The following KIAA1217 variants were observed in gnomAD, a reference collection of about 807,000 sequenced individuals.
KIAA1217 encodes sickle tail protein homolog.
KIAA1217 carries 88 observed loss-of-function variants against 163.9 expected under a neutral mutation model. The ratio of observed to expected loss-of-function variants is 0.54; its 90% CI spans 0.45 to 0.64. KIAA1217 has a LOEUF of 0.64. Among genes scored for constraint, KIAA1217 ranks in the 30% least tolerant of loss-of-function variants. The pLI, the probability that KIAA1217 is intolerant of heterozygous loss-of-function variation, is 0.00. For synonymous variants in KIAA1217, 903 were observed against 923.1 expected (o/e 0.98, Z 0.39); for missense variants, 2,372 against 2,475.0 (o/e 0.96, Z 0.88).
intron 6 of KIAA1217, among the ~76,000 whole-genome samples, chr10:24,484,097 C>G (rs935105303): frequency 1.3e-5 from 2 of 150,328 alleles, no homozygotes; most frequent in Non-Finnish European, 3.0e-5. Context: ...CTCAAGAGTT[C>G]TGTGCAATTT....
chr10:23,849,638 C>T (rs34637483), intron 1 of KIAA1217, among the ~76,000 whole-genome samples: 21,957 of 152,022 alleles, frequency 0.14, 1,996 homozygotes, highest in Middle Eastern at 0.21. Flanking sequence ...CAAACCTGCA[C>T]GTTGTGCACA....
chr10:24,388,908 T>A (rs7912942), intron 3 of KIAA1217, among the ~76,000 whole-genome samples: 12 of 131,796 alleles, frequency 9.1e-5, no homozygotes, highest in African/African-American at 4.0e-4. Flanking sequence ...GGAAACGACA[T>A]GTGCTGGAGA....
At chr10:23,937,680 G>C (rs564601540) in intron 1 of KIAA1217, among the ~76,000 whole-genome samples, 17 of 152,232 alleles carry the variant, frequency 1.1e-4, no homozygotes, top group African/African-American at 3.6e-4. Context: ...ACTTAATTTG[G>C]CATCATCATA....
rs74955438 is a variant in KIAA1217 at position 23,991,711 on chromosome 10, G to A, written c.-320-15514G>A. 7.8e-3 allele frequency among the ~76,000 whole-genome samples: 1,193 copies of A among 152,162 alleles called. 13 individuals carry two copies. Among genetic ancestry groups the A allele is most frequent in the African/African-American group, 0.027 (1,124 of 41,502 alleles). ...TATATCAGTATATCACAACCATGAC[G>A]TACGATATAATTACATGAAGCAGAC... On this transcript the variant is annotated intron_variant, in intron 1 of 18. Transcript: ENST00000376462.
chr10:24,395,534 C>A (rs1179261829), intron 3 of KIAA1217, among the ~76,000 whole-genome samples: 1 of 152,320 alleles, frequency 6.6e-6, no homozygotes, highest in East Asian at 1.9e-4. Context: ...AAGGCCAGTG[C>A]ACCTGAGAAT....
Position 23,825,273 on chromosome 10 carries a change from G to A in KIAA1217, c.-321+130039G>A, listed in dbSNP as rs116160625. ...AGTGTAATCCTATGCTTTTTGGTGG[G>A]AGAAAAATGAACGCTCATTATCTCT... is the stretch of plus-strand genomic sequence containing the variant. On this transcript the variant is annotated intron_variant, in intron 1 of 18. Transcript: ENST00000376462. Among the ~76,000 whole-genome samples the A allele has an allele frequency of 8.2e-3, 1,249 of 152,242 alleles. 11 individuals are homozygous for A. The highest frequency in any genetic ancestry group is 0.028 in the African/African-American group (1,166 of 41,544).
chr10:24,345,876 A>T (rs1001234710), intron 2 of KIAA1217, among the ~76,000 whole-genome samples: 2 of 152,176 alleles, frequency 1.3e-5, no homozygotes, highest in Non-Finnish European at 2.9e-5. Flanking sequence ...CCGTGGTGTT[A>T]AGTATATTCA....
chr10:23,963,328 A>G lies in KIAA1217; in HGVS notation c.-320-43897A>G, dbSNP rs571986613. On this transcript the variant is annotated intron_variant, in intron 1 of 18. Transcript: ENST00000376462. ...CCTCTCCCTGTGTCCATGAGTTATC[A>G]TTGTTCAACTCCCACTTATGAGTGA... is the stretch of plus-strand genomic sequence containing the variant. Among the ~76,000 whole-genome samples, 11 of 152,160 alleles carry G rather than the reference A, an allele frequency of 7.2e-5. No homozygotes were observed. In the East Asian group the frequency reaches 1.9e-3, roughly 27 times the overall value.
chr10:24,048,346 C>T (rs182166437), intron 2 of KIAA1217, among the ~76,000 whole-genome samples: 20 of 152,286 alleles, frequency 1.3e-4, no homozygotes, highest in East Asian at 3.9e-4. Context: ...CAACTTTTCT[C>T]CAATTAAATA....
Position 24,400,198 on chromosome 10 carries a change from G to A in KIAA1217, c.553+19131G>A, listed in dbSNP as rs547649382. Among the ~76,000 whole-genome samples, 3 of 152,302 alleles carry A rather than the reference G, an allele frequency of 2.0e-5. No individual in the cohort carries two copies. In the South Asian group the frequency reaches 6.2e-4, roughly 32 times the overall value. The stretch of plus-strand genomic sequence containing the variant: ...TGGGGCAGAAAAAAAAATTATCTGG[G>A]AGAAACAAAAGCCCTAGACAGGAAC... On this transcript the variant is annotated intron_variant, in intron 3 of 20. Coordinates refer to ENST00000376454, the MANE Select transcript of KIAA1217 (RefSeq NM_019590.5).
chr10:23,925,631 T>C (rs531934553), intron 1 of KIAA1217, among the ~76,000 whole-genome samples: 1 of 152,368 alleles, frequency 6.6e-6, no homozygotes, highest in Non-Finnish European at 1.5e-5. Context: ...CAGTTTTCCC[T>C]GAGCCTTTAA....
intron 2 of KIAA1217, among the ~76,000 whole-genome samples, chr10:24,319,885 A>G (rs2043914316): frequency 6.6e-6 from 1 of 152,252 alleles, no homozygotes; most frequent in African/African-American, 2.4e-5. Flanking sequence ...ACCTGCAAGG[A>G]AGTTCATATA....
At chr10:24,200,003 T>C (rs1249223566) in intron 2 of KIAA1217, among the ~76,000 whole-genome samples, 1 of 151,974 alleles carries the variant, frequency 6.6e-6, no homozygotes, top group Non-Finnish European at 1.5e-5. Flanking sequence ...GGCATCAGGC[T>C]GACAGAAACT....
intron 2 of KIAA1217, among the ~76,000 whole-genome samples, chr10:24,120,627 G>C (rs1309954882): frequency 6.6e-6 from 1 of 152,156 alleles, no homozygotes; most frequent in Non-Finnish European, 1.5e-5. Flanking sequence ...TCCTTAACCA[G>C]TTAAGAAAAT....
chr10:23,844,077 T>G (rs895298297), intron 1 of KIAA1217, among the ~76,000 whole-genome samples: 1 of 152,088 alleles, frequency 6.6e-6, no homozygotes, highest in African/African-American at 2.4e-5. Flanking sequence ...AAATGAGGAT[T>G]TTACTGCTTT....
At chr10:24,205,188 C>A (rs182503238), upstream of KIAA1217, among the ~76,000 whole-genome samples, 2 of 151,688 alleles carry the variant, frequency 1.3e-5, no homozygotes, top group Admixed American at 6.6e-5. Flanking sequence ...CAGTGGCTCA[C>A]GCCTGTAATC....
At chr10:24,542,856 G>A (rs1197134329) in intron 18 of KIAA1217, 27 bp from the exon 19 acceptor site, 2 of 1,609,966 alleles carry the variant, frequency 1.2e-6, no homozygotes, top group South Asian at 1.1e-5. Flanking sequence ...AACGTGTGTG[G>A]TTTCCCTCCT....
intron 1 of KIAA1217, among the ~76,000 whole-genome samples, chr10:23,978,018 C>T (rs1845611277): frequency 6.6e-6 from 1 of 152,198 alleles, no homozygotes; most frequent in Non-Finnish European, 1.5e-5. Context: ...TCCATTATCA[C>T]AGTACTCCCA....
chr10:24,534,925 A>G (rs1366498558), intron 16 of KIAA1217, among the ~76,000 whole-genome samples: 2 of 151,196 alleles, frequency 1.3e-5, no homozygotes, highest in Non-Finnish European at 2.9e-5. Context: ...GAAGTGCTCT[A>G]ACCTTAACTT....
Sources: allele counts gnomAD v4.1 joint callset (sites outside exome capture counted in the v4.1 genomes callset), GRCh38; gene constraint gnomAD v4.1.1; transcripts MANE v1.5; gene names NCBI Gene and HGNC (gene_info 2026-07-23, HGNC 2026-07-21).